COL19A1: variants seen among roughly 807,000 people sequenced by gnomAD.
The protein encoded by COL19A1 is collagen alpha-1(XIX) chain.
COL19A1 carries 159 observed loss-of-function variants against 190.2 expected under a neutral mutation model. That is an observed-to-expected ratio of 0.84 (90% CI 0.73 to 0.95). The LOEUF (loss-of-function observed/expected upper bound fraction) is 0.95, where lower values mean the gene tolerates loss of function less well. Among genes scored for constraint, COL19A1 ranks in the 40% least tolerant of loss-of-function variants. COL19A1 has a pLI of 0.00. For missense variants in COL19A1, 1,418 were observed against 1,431.9 expected (o/e 0.99, Z 0.16); for synonymous variants, 509 against 458.9 (o/e 1.11, Z -1.39).
At chr6:70,018,429 T>C (rs1414506817) in intron 11 of COL19A1, among the ~76,000 whole-genome samples, 2 of 152,118 alleles carry the variant, frequency 1.3e-5, no homozygotes, top group African/African-American at 2.4e-5. Context: ...TTGTATATTT[T>C]TTCTCTAGGA....
intron 11 of COL19A1, among the ~76,000 whole-genome samples, chr6:69,998,551 C>T (rs1181539909): frequency 6.8e-6 from 1 of 147,766 alleles, no homozygotes; most frequent in Admixed American, 7.0e-5. Flanking sequence ...GAGGCTGCAG[C>T]AGGAGAATTG....
intron 12 of COL19A1, among the ~76,000 whole-genome samples, chr6:70,031,246 T>C (rs1248335646): frequency 1.3e-5 from 2 of 151,626 alleles, no homozygotes; most frequent in Admixed American, 6.6e-5. Context: ...CTTTTTTTTT[T>C]AATTTGAGCA....
intron 14 of COL19A1, among the ~76,000 whole-genome samples, chr6:70,057,277 A>C (rs915464725): frequency 9.9e-5 from 15 of 152,152 alleles, no homozygotes; most frequent in African/African-American, 3.6e-4. Context: ...CAGATGATAC[A>C]AATGGATTTG....
chr6:70,004,593 C>T (rs1001319694), intron 11 of COL19A1, among the ~76,000 whole-genome samples: 2 of 152,088 alleles, frequency 1.3e-5, no homozygotes, highest in Non-Finnish European at 2.9e-5. Flanking sequence ...TTTCTCTAAT[C>T]TTATCTGCAT....
chr6:69,891,489 C>T (rs1002206592), intron 2 of COL19A1, among the ~76,000 whole-genome samples: 2 of 152,146 alleles, frequency 1.3e-5, no homozygotes, highest in African/African-American at 4.8e-5. Context: ...AATGGCTACC[C>T]ATCTAGAATG....
chr6:69,868,027 G>A (rs1305919289), intron 1 of COL19A1, among the ~76,000 whole-genome samples: 2 of 151,550 alleles, frequency 1.3e-5, no homozygotes, highest in Non-Finnish European at 2.9e-5. Flanking sequence ...TAAGATGTGA[G>A]GATAATCACT....
At chr6:69,946,915 A>G (rs917816789) in intron 9 of COL19A1, among the ~76,000 whole-genome samples, 14 of 151,860 alleles carry the variant, frequency 9.2e-5, no homozygotes, top group African/African-American at 3.4e-4. Flanking sequence ...TCACTGTAGG[A>G]TTTTGTACAT....
At chr6:70,129,586 C>A (rs903039626) in intron 17 of COL19A1, among the ~76,000 whole-genome samples, 1 of 152,216 alleles carries the variant, frequency 6.6e-6, no homozygotes, top group Non-Finnish European at 1.5e-5. Context: ...CGCAGTCGCT[C>A]ATGCCTGCAA....
At chr6:70,181,163 A>T (rs1448219838) in intron 44 of COL19A1, among the ~76,000 whole-genome samples, 1 of 152,230 alleles carries the variant, frequency 6.6e-6, no homozygotes, top group Non-Finnish European at 1.5e-5. Context: ...TCTCAGAGTT[A>T]TCCTTTACAG....
intron 4 of COL19A1, among the ~76,000 whole-genome samples, chr6:69,916,581 C>G (rs548139141): frequency 2.0e-5 from 3 of 152,262 alleles, no homozygotes; most frequent in African/African-American, 7.2e-5. Context: ...ATTTACCTTT[C>G]AGGGCTACTA....
intron 2 of COL19A1, among the ~76,000 whole-genome samples, chr6:69,896,357 G>A (rs956394629): frequency 1.3e-5 from 2 of 151,402 alleles, no homozygotes; most frequent in Non-Finnish European, 2.9e-5. Context: ...CTAACAAGGT[G>A]AAACCCCGTC....
rs553017105 is a variant in COL19A1 at position 69,933,975 on chromosome 6, C to A, written c.747+1112C>A. Among the ~76,000 whole-genome samples the A allele has an allele frequency of 3.7e-4, 56 of 151,962 alleles. 3 individuals carry two copies. The South Asian group carries it at 1.0e-2, about 27-fold the overall frequency. On this transcript the variant is annotated intron_variant, in intron 7 of 50. Transcript: ENST00000620364. ...AGGTGAAAATGTCTTTTCTTTGGAT[C>A]TTAGATTTCATAAATGTTCTATACT... is the stretch of plus-strand genomic sequence containing the variant.
rs1442916332 is a variant in COL19A1, at chr6:69,900,314, G to A, written c.242G>A (p.Ser81Asn). The stretch of plus-strand genomic sequence containing the variant: ...GATAAAACCTGTTTCAAATTGGGAA[G>A]TGCACTTCTTATTAGAGACACTATG... ...ESDKTCFKLG[S>N]ALLIRDTIKI... The change falls in exon 4 of 51, where the codon AGT becomes AAT. Residue 81 changes from serine (S) to asparagine (N), a missense_variant. By Grantham distance (46) the Ser-to-Asn change is conservative. Transcript: ENST00000620364. The A allele has an allele frequency of 1.9e-6, 3 of 1,584,856 alleles. No individual in the cohort carries two copies. Among genetic ancestry groups the A allele is most frequent in the Admixed American group, 3.5e-5 (2 of 57,670 alleles).
At chr6:70,073,936 A>C (rs1781704182) in intron 15 of COL19A1, among the ~76,000 whole-genome samples, 1 of 152,224 alleles carries the variant, frequency 6.6e-6, no homozygotes, top group Admixed American at 6.5e-5. Context: ...CAGCACAAGT[A>C]ATGAATTATG....
At chr6:70,101,728 T>A (rs1439471836) in intron 15 of COL19A1, among the ~76,000 whole-genome samples, 1 of 152,078 alleles carries the variant, frequency 6.6e-6, no homozygotes, top group Non-Finnish European at 1.5e-5. Context: ...AGTCCAGGAA[T>A]ATGCATGTTT....
At chr6:69,885,183 C>A (rs940816208) in intron 2 of COL19A1, among the ~76,000 whole-genome samples, 2 of 152,100 alleles carry the variant, frequency 1.3e-5, no homozygotes, top group Admixed American at 6.5e-5. Context: ...CTTTTCAGTA[C>A]CCCCCACCAC....
chr6:69,989,874 G>C (rs2150073121), intron 11 of COL19A1, among the ~76,000 whole-genome samples: 1 of 152,100 alleles, frequency 6.6e-6, no homozygotes, highest in Admixed American at 6.6e-5. Flanking sequence ...GCTATGATGA[G>C]GTAAATGAGT....
At chr6:69,871,921 A>T (rs1333530531) in intron 1 of COL19A1, among the ~76,000 whole-genome samples, 3 of 146,842 alleles carry the variant, frequency 2.0e-5, no homozygotes, top group Non-Finnish European at 4.4e-5. Flanking sequence ...GGTTCAAGTG[A>T]TTCTCCTGCC....
chr6:70,101,664 A>T (rs1535394), intron 15 of COL19A1, among the ~76,000 whole-genome samples: 14,497 of 152,230 alleles, frequency 0.095, 781 homozygotes, highest in Middle Eastern at 0.15. Flanking sequence ...AGTTTTAAAA[A>T]TGCAGATTCG....
Sources: allele counts gnomAD v4.1 joint callset (sites outside exome capture counted in the v4.1 genomes callset), GRCh38; gene constraint gnomAD v4.1.1; transcripts MANE v1.5; gene names NCBI Gene and HGNC (gene_info 2026-07-23, HGNC 2026-07-21).